GRIA1: variants seen among roughly 807,000 people sequenced by gnomAD.
GRIA1 encodes glutamate ionotropic receptor AMPA type subunit 1.
GRIA1 carries 31 observed loss-of-function variants against 99.2 expected under a neutral mutation model. The ratio of observed to expected loss-of-function variants is 0.31; its 90% confidence interval spans 0.23 to 0.42. The LOEUF (loss-of-function observed/expected upper bound fraction) is 0.42. Among genes scored for constraint, GRIA1 ranks in the 10% least tolerant of loss-of-function variants. The pLI is 1.00. For missense variants in GRIA1, 782 were observed against 1,157.5 expected (o/e 0.68, Z 4.71); for synonymous variants, 438 against 432.4 (o/e 1.01, Z -0.16).
chr5:153,520,117 A>C, intron 2 of GRIA1, among the ~76,000 whole-genome samples: 1 of 152,336 alleles, frequency 6.6e-6, no homozygotes, highest in East Asian at 1.9e-4. Flanking sequence ...TATTAATTTA[A>C]TAAAACCTCT....
At chr5:153,607,434 C>A (rs1436848726) in intron 2 of GRIA1, among the ~76,000 whole-genome samples, 12 of 151,634 alleles carry the variant, frequency 7.9e-5, no homozygotes, top group South Asian at 4.2e-4. Context: ...TGATTTTTTT[C>A]ATATCTTTTC....
rs148696217 is a variant in GRIA1 at position 153,774,847 on chromosome 5, C to G, written c.2270+4432C>G. The stretch of plus-strand genomic sequence containing the variant: ...GAGTGTTAAAAAGCTGTGTTAGTGA[C>G]AGAATGGGGCTTTTGTTTATTTGTT... On this transcript the variant is annotated intron_variant, in intron 13 of 15. Transcript: ENST00000285900. 6.8e-3 allele frequency among the ~76,000 whole-genome samples: 1,040 copies of G among 152,330 alleles called. 7 individuals are homozygous for G. The highest frequency in any genetic ancestry group is 0.023 in the African/African-American group (972 of 41,566).
intron 3 of GRIA1, among the ~76,000 whole-genome samples, chr5:153,649,149 G>A (rs1754361707): frequency 6.6e-6 from 1 of 152,196 alleles, no homozygotes; most frequent in South Asian, 2.1e-4. Context: ...GGAAAGGCAA[G>A]AGAGTGGATT....
chr5:153,766,644 C>T (rs1763536995), intron 12 of GRIA1, among the ~76,000 whole-genome samples: 1 of 152,110 alleles, frequency 6.6e-6, no homozygotes, highest in Non-Finnish European at 1.5e-5. Flanking sequence ...GTCACTGAAC[C>T]ACATGGTCTT....
intron 7 of GRIA1, among the ~76,000 whole-genome samples, chr5:153,678,442 T>A (rs932213155): frequency 2.0e-5 from 3 of 152,150 alleles, no homozygotes; most frequent in Non-Finnish European, 4.4e-5. Flanking sequence ...AAGGAGGACC[T>A]CCAGCTGCCA....
chr5:153,645,634 A>C (rs1057425368), intron 2 of GRIA1, among the ~76,000 whole-genome samples: 1 of 152,164 alleles, frequency 6.6e-6, no homozygotes, highest in Non-Finnish European at 1.5e-5. Flanking sequence ...TGACCAAAGA[A>C]GACTTATTTT....
intron 2 of GRIA1, among the ~76,000 whole-genome samples, chr5:153,554,439 T>C (rs1373747098): frequency 6.6e-6 from 1 of 152,196 alleles, no homozygotes; most frequent in African/African-American, 2.4e-5. Flanking sequence ...CTCCCAGAGA[T>C]TCCGAGTCAG....
At position 153,698,950 on chromosome 5, in the gene GRIA1, G is replaced by A. The variant is rs6875572; in HGVS notation, c.1329G>A (p.Ala443=). ...ACGAGGGCTACTGTGTAGAGCTGGC[G>A]GCAGAGATTGCCAAGCACGTGGGCT... is the stretch of plus-strand genomic sequence containing the variant. The part of the protein sequence containing the change: ...DRYEGYCVEL[A]AEIAKHVGYS... Residue 443 remains alanine, a synonymous_variant, in exon 10 of 16, where the codon GCG becomes GCA. Coordinates refer to ENST00000285900, the MANE Select transcript of GRIA1 (RefSeq NM_000827.4). 7.8e-4 allele frequency: 1,260 copies of A among 1,612,418 alleles called. 14 individuals carry two copies. In the African/African-American group the frequency reaches 0.014, roughly 18 times the overall value.
At chr5:153,550,024 A>G (rs1010095142) in intron 2 of GRIA1, among the ~76,000 whole-genome samples, 2 of 152,172 alleles carry the variant, frequency 1.3e-5, no homozygotes, top group African/African-American at 4.8e-5. Context: ...CAGTCTTTAA[A>G]ATAGAGACAA....
chr5:153,625,750 A>G, intron 2 of GRIA1, among the ~76,000 whole-genome samples: 1 of 152,252 alleles, frequency 6.6e-6, no homozygotes, highest in Non-Finnish European at 1.5e-5. Context: ...TGAAGTTTCT[A>G]TAGCAACATT....
chr5:153,803,746 G>T (rs1237846243), intron 15 of GRIA1, among the ~76,000 whole-genome samples: 1 of 152,120 alleles, frequency 6.6e-6, no homozygotes. Context: ...TGTACCCTAA[G>T]AAGCCTACTT....
chr5:153,496,906 G>A (rs1459257072), intron 2 of GRIA1, among the ~76,000 whole-genome samples: 2 of 151,774 alleles, frequency 1.3e-5, no homozygotes, highest in Non-Finnish European at 2.9e-5. Flanking sequence ...AATTTTTGCT[G>A]TCATTTGATT....
At chr5:153,804,737 ATTT>A (rs1561874922) in intron 15 of GRIA1, among the ~76,000 whole-genome samples, 835 of 37,670 alleles carry the variant, frequency 0.022, 6 homozygotes, top group South Asian at 0.028. Context: ...TAATTAATTT[ATTT>A]ATTTATTTAT....
intron 2 of GRIA1, among the ~76,000 whole-genome samples, chr5:153,556,405 T>G (rs1760651254): frequency 6.6e-6 from 1 of 152,218 alleles, no homozygotes; most frequent in Non-Finnish European, 1.5e-5. Context: ...ATCCGGAAGC[T>G]AAATATTCCC....
At chr5:153,735,429 C>T (rs1178403542) in intron 11 of GRIA1, among the ~76,000 whole-genome samples, 1 of 152,090 alleles carries the variant, frequency 6.6e-6, no homozygotes, top group East Asian at 1.9e-4. Context: ...GTCGCATACA[C>T]CAGTAATTAG....
chr5:153,532,113 C>T (rs1470729698), intron 2 of GRIA1, among the ~76,000 whole-genome samples: 1 of 152,136 alleles, frequency 6.6e-6, no homozygotes, highest in Admixed American at 6.5e-5. Flanking sequence ...AGCCCTTTTA[C>T]ATATATTAGG....
chr5:153,695,817 C>A (rs978834325), intron 8 of GRIA1, among the ~76,000 whole-genome samples: 1 of 152,224 alleles, frequency 6.6e-6, no homozygotes, highest in Non-Finnish European at 1.5e-5. Context: ...CCCCGTCAGA[C>A]CTCCGAGCTG....
At chr5:153,606,064 C>T (rs1377218802) in intron 2 of GRIA1, among the ~76,000 whole-genome samples, 1 of 151,982 alleles carries the variant, frequency 6.6e-6, no homozygotes, top group Non-Finnish European at 1.5e-5. Flanking sequence ...CTTTTGGTGG[C>T]CTTATGTTTT....
At chr5:153,655,205 G>C (rs959775965) in intron 4 of GRIA1, among the ~76,000 whole-genome samples, 1 of 152,138 alleles carries the variant, frequency 6.6e-6, no homozygotes, top group African/African-American at 2.4e-5. Context: ...TTCCCTTCCA[G>C]CTTCTAAGTT....
Sources: allele counts gnomAD v4.1 joint callset (sites outside exome capture counted in the v4.1 genomes callset), GRCh38; gene constraint gnomAD v4.1.1; transcripts MANE v1.5; gene names NCBI Gene and HGNC (gene_info 2026-07-23, HGNC 2026-07-21).